The following KCNQ3 variants were observed in gnomAD, a reference collection of about 807,000 sequenced individuals.
The protein encoded by KCNQ3 is potassium voltage-gated channel subfamily KQT member 3.
Under a neutral mutation model 92.5 loss-of-function variants are expected in KCNQ3, and 30 were observed. That is an observed-to-expected ratio of 0.32 (90% CI 0.24 to 0.44). The LOEUF (loss-of-function observed/expected upper bound fraction) is 0.44, where lower values mean the gene tolerates loss of function less well. Ranked by LOEUF, KCNQ3 falls within the 20% of genes least tolerant of loss-of-function variation. The pLI is 1.00. For synonymous variants in KCNQ3, 450 were observed against 468.8 expected, an observed-to-expected ratio of 0.96 and a Z score of 0.52; for missense variants, 913 against 1,140.3, an observed-to-expected ratio of 0.80 and a Z score of 2.87.
At chr8:132,462,406 T>C (rs1310367689) in intron 1 of KCNQ3, among the ~76,000 whole-genome samples, 1 of 152,186 alleles carries the variant, frequency 6.6e-6, no homozygotes, top group Non-Finnish European at 1.5e-5. Flanking sequence ...CAAGCTGGTC[T>C]TGAACTCTTG....
chr8:132,447,183 G>T, intron 1 of KCNQ3: 1 of 1,533,684 alleles, frequency 6.5e-7, no homozygotes. Flanking sequence ...TCCCCAAAAT[G>T]AGAATCCAAA....
At chr8:132,235,537 C>A (rs910956458) in intron 1 of KCNQ3, among the ~76,000 whole-genome samples, 22 of 152,250 alleles carry the variant, frequency 1.4e-4, no homozygotes, top group African/African-American at 5.1e-4. Context: ...ACTAGCTGAC[C>A]ACCAAGCTAA....
chr8:132,430,003 T>A (rs1277699247), intron 1 of KCNQ3, among the ~76,000 whole-genome samples: 1 of 152,138 alleles, frequency 6.6e-6, no homozygotes, highest in African/African-American at 2.4e-5. Flanking sequence ...TGTTTTCTCA[T>A]TCTCAGACAC....
At position 132,125,218 on chromosome 8, in the gene KCNQ3, C is replaced by T. The variant is rs564881524; in HGVS notation, c.*4044G>A. 3 of 152,308 alleles carry T rather than the reference C, an allele frequency of 2.0e-5. No homozygotes were observed. The highest frequency in any genetic ancestry group is 3.9e-4 in the East Asian group (2 of 5,182). 9.4% of individuals were successfully genotyped at this position (152,308 alleles called of 1,614,324 possible). Reference sequence around the variant, plus strand: ...AAGTTCAAAGCATTGAATCCAAACTCGAAGTCCCCATTCAACCCACTCAGC... The same window carrying T: ...AAGTTCAAAGCATTGAATCCAAACTTGAAGTCCCCATTCAACCCACTCAGC... On this transcript the variant is annotated 3_prime_UTR_variant, in exon 15 of 15. Coordinates refer to ENST00000388996, the MANE Select transcript of KCNQ3 (RefSeq NM_004519.4).
chr8:132,323,602 A>G (rs554676269), intron 1 of KCNQ3, among the ~76,000 whole-genome samples: 1 of 152,290 alleles, frequency 6.6e-6, no homozygotes, highest in East Asian at 1.9e-4. Context: ...TAAAACCACG[A>G]TTGGGCTTAT....
intron 1 of KCNQ3, among the ~76,000 whole-genome samples, chr8:132,314,028 G>A (rs961622113): frequency 6.6e-6 from 1 of 152,130 alleles, no homozygotes; most frequent in Non-Finnish European, 1.5e-5. Context: ...CACAGAGTCA[G>A]GTAAGTTGGC....
intron 1 of KCNQ3, among the ~76,000 whole-genome samples, chr8:132,361,204 T>C (rs1586956484): frequency 6.6e-6 from 1 of 152,180 alleles, no homozygotes; most frequent in African/African-American, 2.4e-5. Flanking sequence ...CACTTTCCAA[T>C]AGCCTCTCTG....
At chr8:132,410,961 C>A (rs549192410) in intron 1 of KCNQ3, among the ~76,000 whole-genome samples, 2 of 152,194 alleles carry the variant, frequency 1.3e-5, no homozygotes, top group Non-Finnish European at 2.9e-5. Flanking sequence ...GCATCTTGCT[C>A]CGGTATTTTC....
chr8:132,227,373 T>C (rs1473288253), intron 1 of KCNQ3, among the ~76,000 whole-genome samples: 2 of 152,086 alleles, frequency 1.3e-5, no homozygotes, highest in South Asian at 4.2e-4. Context: ...CTGGTGTCTT[T>C]ATAAGAGGAA....
chr8:132,132,550 C>T (rs747016824), intron 13 of KCNQ3, among the ~76,000 whole-genome samples: 3 of 152,236 alleles, frequency 2.0e-5, no homozygotes, highest in Non-Finnish European at 4.4e-5. Context: ...CATTATAAAG[C>T]ACCTAACAGT....
At chr8:132,244,887 T>C (rs1189390519) in intron 1 of KCNQ3, among the ~76,000 whole-genome samples, 1 of 94,922 alleles carries the variant, frequency 1.1e-5, no homozygotes, top group Non-Finnish European at 2.1e-5. Context: ...GTTTTTATTA[T>C]AAAGGTAACA....
At position 132,126,080 on chromosome 8, in the gene KCNQ3, T is replaced by C. The variant is rs1355872396; in HGVS notation, c.*3182A>G. The C allele has an allele frequency of 6.6e-6, 1 of 152,214 alleles. No homozygotes were observed. The highest frequency in any genetic ancestry group is 1.5e-5 in the Non-Finnish European group (1 of 68,038). 9.4% of individuals were successfully genotyped at this position (152,214 alleles called of 1,614,324 possible). On this transcript the variant is annotated 3_prime_UTR_variant, in exon 15 of 15. Coordinates refer to ENST00000388996, the MANE Select transcript of KCNQ3 (RefSeq NM_004519.4). ...GACCTTTAAAATTTTTCATGTCACA[T>C]TGTGACCCAGAAAGACCAAATACAT...
chr8:132,183,923 C>T (rs1473584123), intron 3 of KCNQ3, among the ~76,000 whole-genome samples: 2 of 152,184 alleles, frequency 1.3e-5, no homozygotes, highest in African/African-American at 4.8e-5. Context: ...GGGGGTGCTA[C>T]TACTCCAGGG....
chr8:132,382,295 C>G (rs1419564061), intron 1 of KCNQ3, among the ~76,000 whole-genome samples: 1 of 152,144 alleles, frequency 6.6e-6, no homozygotes, highest in Non-Finnish European at 1.5e-5. Flanking sequence ...TTGGTGCTGT[C>G]TTCATAGTAA....
At chr8:132,475,101 C>T (rs186694523) in intron 1 of KCNQ3, among the ~76,000 whole-genome samples, 4 of 152,330 alleles carry the variant, frequency 2.6e-5, no homozygotes, top group African/African-American at 9.6e-5. Flanking sequence ...CCTGCTTCCC[C>T]TTCTGCCACG....
At chr8:132,387,669 A>G (rs536318882) in intron 1 of KCNQ3, among the ~76,000 whole-genome samples, 3 of 152,270 alleles carry the variant, frequency 2.0e-5, no homozygotes, top group African/African-American at 7.2e-5. Flanking sequence ...TACTGTCCTC[A>G]GTAAATAAAG....
intron 11 of KCNQ3, 108 bp from the exon 12 acceptor site, chr8:132,138,124 A>C: frequency 7.6e-7 from 1 of 1,317,614 alleles, no homozygotes; most frequent in Non-Finnish European, 1.1e-6. Flanking sequence ...CCAAAGATAA[A>C]AGAGCTTGCT....
chr8:132,317,518 A>G (rs1817777395), intron 1 of KCNQ3, among the ~76,000 whole-genome samples: 1 of 152,236 alleles, frequency 6.6e-6, no homozygotes, highest in Admixed American at 6.5e-5. Flanking sequence ...TAAGATGTTC[A>G]GCTGTGAAGG....
chr8:132,145,405 T>C (rs367870870), intron 9 of KCNQ3, among the ~76,000 whole-genome samples: 1 of 151,362 alleles, frequency 6.6e-6, no homozygotes, highest in Admixed American at 6.6e-5. Context: ...GTGTGGACTT[T>C]GAAGTAAGAG....
Sources: gnomAD v4.1 joint callset for allele counts (sites outside exome capture counted in the v4.1 genomes callset) on GRCh38, gnomAD v4.1.1 for gene constraint, MANE v1.5 for transcripts, NCBI Gene and HGNC (gene_info 2026-07-23, HGNC 2026-07-21) for gene names.